GABRB3: variants seen among roughly 807,000 people sequenced by gnomAD.
GABRB3 encodes gamma-aminobutyric acid type A receptor subunit beta3.
A neutral mutation model predicts 52.1 loss-of-function variants in GABRB3; 14 were observed. The ratio of observed to expected loss-of-function variants is 0.27; its 90% CI spans 0.18 to 0.42. The LOEUF (loss-of-function observed/expected upper bound fraction) is 0.42. GABRB3 is among the 10% of genes least tolerant of loss of function. The probability of loss-of-function intolerance (pLI) is 1.00; values close to 1 mark genes in which losing one functional copy is unlikely to be tolerated. For missense variants in GABRB3, 307 were observed against 609.1 expected (o/e 0.50, Z 5.22); for synonymous variants, 260 against 232.3 (o/e 1.12, Z -1.08).
intron 3 of GABRB3, among the ~76,000 whole-genome samples, chr15:26,703,372 C>T (rs1888997392): frequency 6.6e-6 from 1 of 152,098 alleles, no homozygotes; most frequent in African/African-American, 2.4e-5. Flanking sequence ...AGGGAGGAGC[C>T]CTCATGGCCC....
At chr15:26,624,659 A>T (rs1809112746) in intron 3 of GABRB3, 6 of 985,474 alleles carry the variant, frequency 6.1e-6, no homozygotes, top group Non-Finnish European at 6.0e-6. Flanking sequence ...GGGAAAAAAC[A>T]GTATGAAAAT....
chr15:26,734,475 T>C (rs1047764669), intron 3 of GABRB3, among the ~76,000 whole-genome samples: 13 of 151,954 alleles, frequency 8.6e-5, no homozygotes, highest in African/African-American at 2.9e-4. Flanking sequence ...TTTTAAAACA[T>C]TGCATGTCAG....
At chr15:26,745,989 G>A (rs1286135408) in intron 3 of GABRB3, among the ~76,000 whole-genome samples, 1 of 152,192 alleles carries the variant, frequency 6.6e-6, no homozygotes, top group South Asian at 2.1e-4. Context: ...TGGGTTGTAA[G>A]GTAACTGCAG....
chr15:26,623,153 A>C (rs981337274), intron 3 of GABRB3, among the ~76,000 whole-genome samples: 13 of 152,124 alleles, frequency 8.5e-5, no homozygotes, highest in Admixed American at 4.6e-4. Context: ...ACATCGAAAA[A>C]CACATGGAGT....
At chr15:26,764,476 T>C (rs1395215292) in intron 3 of GABRB3, among the ~76,000 whole-genome samples, 1 of 152,052 alleles carries the variant, frequency 6.6e-6, no homozygotes, top group Non-Finnish European at 1.5e-5. Flanking sequence ...TTCTGTGAGA[T>C]GTTTAAGTTC....
chr15:26,572,008 T>G (rs1890419637), intron 6 of GABRB3, among the ~76,000 whole-genome samples: 1 of 142,368 alleles, frequency 7.0e-6, no homozygotes, highest in Non-Finnish European at 1.5e-5. Context: ...ATTGAGCTAC[T>G]GCACTCCAGC....
At chr15:26,732,292 AGATG>A (rs5811444) in intron 3 of GABRB3, among the ~76,000 whole-genome samples, 24,218 of 146,594 alleles carry the variant, frequency 0.17, 2,409 homozygotes, top group East Asian at 0.3. Flanking sequence ...ATGGATGGAT[AGATG>A]GATGGATGGA....
intron 3 of GABRB3, among the ~76,000 whole-genome samples, chr15:26,719,407 T>A (rs1387039460): frequency 6.6e-6 from 1 of 152,216 alleles, no homozygotes; most frequent in Non-Finnish European, 1.5e-5. Context: ...AGGCATAAAA[T>A]CATTATATGA....
At chr15:26,674,546 G>T (rs188156843) in intron 3 of GABRB3, among the ~76,000 whole-genome samples, 1 of 151,776 alleles carries the variant, frequency 6.6e-6, no homozygotes, top group East Asian at 1.9e-4. Context: ...AGGAATATAA[G>T]ACCCTGTACT....
intron 4 of GABRB3, among the ~76,000 whole-genome samples, chr15:26,586,126 G>A (rs1352963973): frequency 6.6e-6 from 1 of 151,932 alleles, no homozygotes; most frequent in Non-Finnish European, 1.5e-5. Context: ...AGCCTCCCAA[G>A]TAGATGGGAC....
chr15:26,698,532 C>T (rs923772449), intron 3 of GABRB3, among the ~76,000 whole-genome samples: 7 of 151,998 alleles, frequency 4.6e-5, no homozygotes, highest in Non-Finnish European at 1.0e-4. Flanking sequence ...GGAAGAGATT[C>T]TTTAAATGTT....
intron 3 of GABRB3, among the ~76,000 whole-genome samples, chr15:26,673,206 ACTTC>A (rs968741195): frequency 6.6e-6 from 1 of 151,586 alleles, no homozygotes; most frequent in Non-Finnish European, 1.5e-5. Context: ...TGCAATTGTA[ACTTC>A]CTTCCTTCCT....
intron 3 of GABRB3, among the ~76,000 whole-genome samples, chr15:26,670,463 A>C (rs1887861438): frequency 6.6e-6 from 1 of 152,140 alleles, no homozygotes; most frequent in Non-Finnish European, 1.5e-5. Flanking sequence ...GGTGGCCGCC[A>C]AGGCGCGGCT....
At chr15:26,654,279 G>T (rs7181253) in intron 3 of GABRB3, among the ~76,000 whole-genome samples, 1 of 152,088 alleles carries the variant, frequency 6.6e-6, no homozygotes, top group South Asian at 2.1e-4. Context: ...CCGAGTAGCT[G>T]GGACTACAGG....
At chr15:26,620,293 T>C (rs951242870) in intron 4 of GABRB3, among the ~76,000 whole-genome samples, 10 of 152,236 alleles carry the variant, frequency 6.6e-5, no homozygotes, top group African/African-American at 2.2e-4. Flanking sequence ...ACTGCGGTTC[T>C]GAGAAAGTCA....
chr15:26,723,573 G>A (rs1595552379), intron 3 of GABRB3, among the ~76,000 whole-genome samples: 1 of 152,178 alleles, frequency 6.6e-6, no homozygotes, highest in Non-Finnish European at 1.5e-5. Flanking sequence ...TGGGTGGGAA[G>A]TGCAGCCTGG....
In GABRB3 at chr15:26,579,271, C is replaced by T. The variant is rs35027508; in HGVS notation, c.682+1048G>A. Reference sequence around the variant, plus strand: ...GGTGTGCCCTTGCAGATGCAGGCACCGTGAGCTGTGAGCAGAGCTGGAAGG... The same window carrying T: ...GGTGTGCCCTTGCAGATGCAGGCACTGTGAGCTGTGAGCAGAGCTGGAAGG... On this transcript the variant is annotated intron_variant, in intron 6 of 8. Transcript: ENST00000311550. Among the ~76,000 whole-genome samples, 874 of 152,234 alleles carry T rather than the reference C, an allele frequency of 5.7e-3. 4 individuals are homozygous for T. The highest frequency in any genetic ancestry group is 8.1e-3 in the Non-Finnish European group (552 of 68,020).
chr15:26,765,383 A>G (rs1890970142), intron 3 of GABRB3, among the ~76,000 whole-genome samples: 1 of 152,166 alleles, frequency 6.6e-6, no homozygotes, highest in African/African-American at 2.4e-5. Flanking sequence ...AGACTTTGTG[A>G]TCTTTGGTTG....
chr15:26,739,747 A>G (rs1366833191), intron 3 of GABRB3, among the ~76,000 whole-genome samples: 2 of 152,236 alleles, frequency 1.3e-5, no homozygotes, highest in South Asian at 4.1e-4. Flanking sequence ...TTATGTTCAC[A>G]TAATGTGTAC....
Sources: allele counts gnomAD v4.1 joint callset (sites outside exome capture counted in the v4.1 genomes callset), GRCh38; gene constraint gnomAD v4.1.1; transcripts MANE v1.5; gene names NCBI Gene and HGNC (gene_info 2026-07-23, HGNC 2026-07-21).